The following MALSU1 variants were observed in gnomAD, a reference collection of about 807,000 sequenced individuals.
The protein encoded by MALSU1 is mitochondrial assembly of ribosomal large subunit 1.
In MALSU1, 22 loss-of-function variants were observed where a neutral mutation model predicts 22.1. The observed-to-expected ratio is 1.00, with a 90% CI of 0.71 to 1.42. The LOEUF is 1.42. Ranked by LOEUF, MALSU1 falls within the 40% of genes most tolerant of loss-of-function variation. The probability of loss-of-function intolerance (pLI) is 0.00; values close to 1 mark genes in which losing one functional copy is unlikely to be tolerated. For missense variants in MALSU1, 379 were observed against 308.3 expected (o/e 1.23, Z -1.72); for synonymous variants, 153 against 118.5 (o/e 1.29, Z -1.89).
intron 2 of MALSU1, among the ~76,000 whole-genome samples, chr7:23,301,735 C>G (rs1377245625): frequency 6.6e-6 from 1 of 152,118 alleles, no homozygotes; most frequent in Non-Finnish European, 1.5e-5. Flanking sequence ...CTTTGGAAGG[C>G]CAAGGTGGGT....
At chr7:23,301,819 A>G (rs929153605) in intron 2 of MALSU1, among the ~76,000 whole-genome samples, 14 of 152,064 alleles carry the variant, frequency 9.2e-5, no homozygotes, top group Admixed American at 9.2e-4. Flanking sequence ...AAATACAAAA[A>G]TTAGCTGGGC....
chr7:23,310,224 A>G lies in MALSU1; in HGVS notation c.*681A>G, dbSNP rs545023671. ...CACAACAAGCTGCACCTAAATGATG[A>G]AAAAATTTATTCTGCGTCAAGGTAT... On this transcript the variant is annotated 3_prime_UTR_variant, in exon 4 of 4. Coordinates refer to ENST00000466681, the MANE Select transcript of MALSU1 (RefSeq NM_138446.2). The G allele has an allele frequency of 6.6e-6, 1 of 152,358 alleles. No homozygotes were observed. Among genetic ancestry groups the G allele is most frequent in the South Asian group, 2.1e-4 (1 of 4,830 alleles). 9.4% of individuals were successfully genotyped at this position (152,358 alleles called of 1,614,324 possible). A position where few individuals can be genotyped will look rare whatever the true frequency, so the allele number is the denominator to read the frequency against.
Position 23,309,545 on chromosome 7 carries a change from A to ATATT in MALSU1, c.*4_*7dup. ...CCAGTGGAGTTAAAATGTGAATAAA[A>ATATT]TATTTTATGCACTGCGTTAGTCATT... On this transcript the variant is annotated 3_prime_UTR_variant, in exon 4 of 4. Coordinates refer to ENST00000466681, the MANE Select transcript of MALSU1 (RefSeq NM_138446.2). 6.3e-7 allele frequency: 1 copy of ATATT among 1,592,428 alleles called. No homozygotes were observed.
At chr7:23,305,549 G>A (rs1042616789) in intron 2 of MALSU1, among the ~76,000 whole-genome samples, 20 of 151,934 alleles carry the variant, frequency 1.3e-4, no homozygotes, top group Admixed American at 5.9e-4. Flanking sequence ...CTAATTTTTT[G>A]TATTTTTAGT....
chr7:23,306,330 CCTAA>C (rs1783722036), intron 2 of MALSU1, among the ~76,000 whole-genome samples: 1 of 151,910 alleles, frequency 6.6e-6, no homozygotes, highest in Non-Finnish European at 1.5e-5. Context: ...GTTTAGTAGC[CCTAA>C]CTGGGTTTTT....
At chr7:23,307,796 A>G in intron 2 of MALSU1, 72 bp from the exon 3 acceptor site, 2 of 950,912 alleles carry the variant, frequency 2.1e-6, no homozygotes, top group Non-Finnish European at 3.3e-6. Context: ...ACAAACAAAA[A>G]AAAAAGACCT....
intron 1 of MALSU1, among the ~76,000 whole-genome samples, chr7:23,299,902 C>G (rs1446948944): frequency 2.0e-5 from 3 of 152,098 alleles, no homozygotes; most frequent in African/African-American, 4.8e-5. Flanking sequence ...TTCCTAGGAT[C>G]CTGGGAAATG....
At position 23,307,906 on chromosome 7, in the gene MALSU1, G is replaced by A; in HGVS notation, c.474G>A (p.Lys158=). The A allele has an allele frequency of 6.2e-7, 1 of 1,614,024 alleles. No individual in the cohort carries two copies. Among genetic ancestry groups the A allele is most frequent in the South Asian group, 1.1e-5 (1 of 91,068 alleles). ...AATGTAAACGTGACCCTCATGTTAA[G>A]ATAGAAGGGAAGGACACTGATGACT... ...HLKCKRDPHV[K]IEGKDTDDWL... Residue 158 remains lysine, a synonymous_variant, in exon 3 of 4, where the codon AAG becomes AAA. Transcript: ENST00000466681.
At chr7:23,300,400 C>T (rs929257248) in intron 1 of MALSU1, among the ~76,000 whole-genome samples, 2 of 152,128 alleles carry the variant, frequency 1.3e-5, no homozygotes, top group Admixed American at 6.6e-5. Context: ...CCAGATACTG[C>T]CTAAGAGCCC....
rs2128489775 is a variant in MALSU1 at position 23,309,520 on chromosome 7, C to G, written c.682C>G (p.Pro228Ala). The change falls in exon 4 of 4, where the codon CCA (proline) becomes GCA (alanine). Residue 228 changes from proline to alanine, a missense_variant. Coordinates refer to ENST00000466681, the MANE Select transcript of MALSU1 (RefSeq NM_138446.2). ...AGAAGATGATACTTCATCTGTGACT[C>G]CAGTGGAGTTAAAATGTGAATAAAA... ...GIEDDTSSVT[P>A]VELKCE 2 of 1,602,620 alleles carry G rather than the reference C, an allele frequency of 1.2e-6. No individual in the cohort carries two copies. The highest frequency in any genetic ancestry group is 1.7e-6 in the Non-Finnish European group (2 of 1,176,894).
intron 2 of MALSU1, 83 bp from the exon 3 acceptor site, chr7:23,307,785 A>G: frequency 2.3e-6 from 2 of 858,904 alleles, no homozygotes; most frequent in Non-Finnish European, 3.8e-6. Flanking sequence ...AAAACAAACA[A>G]ACAAACAAAA....
intron 2 of MALSU1, among the ~76,000 whole-genome samples, chr7:23,303,330 GTTCATC>G (rs1783673300): frequency 6.6e-6 from 1 of 152,150 alleles, no homozygotes; most frequent in Non-Finnish European, 1.5e-5. Context: ...TGTCTTCAAG[GTTCATC>G]CATGTAGTAG....
intron 2 of MALSU1, 21 bp from the exon 3 acceptor site, chr7:23,307,847 A>G (rs1383719962): frequency 6.3e-7 from 1 of 1,587,870 alleles, no homozygotes; most frequent in Non-Finnish European, 8.6e-7. Flanking sequence ...TCCCTTTAAT[A>G]AACCACCTGG....
At chr7:23,302,573 A>G (rs1562656132) in intron 2 of MALSU1, among the ~76,000 whole-genome samples, 2 of 152,292 alleles carry the variant, frequency 1.3e-5, no homozygotes, top group South Asian at 2.1e-4. Context: ...CAGGGTCTCT[A>G]TCAGATGTAA....
chr7:23,310,372 TTAAG>T lies in MALSU1; in HGVS notation c.*833_*836del, dbSNP rs1298442133. On this transcript the variant is annotated 3_prime_UTR_variant, in exon 4 of 4. Coordinates refer to ENST00000466681, the MANE Select transcript of MALSU1 (RefSeq NM_138446.2). ...ACCAGATACTCCAAATTACAAATGC[TTAAG>T]TAAAAGTAAAATATGATTTGCCATA... 5.3e-5 allele frequency: 8 copies of T among 152,244 alleles called. No individual in the cohort carries two copies. The highest frequency in any genetic ancestry group is 1.7e-4 in the African/African-American group (7 of 41,550). 9.4% of individuals were successfully genotyped at this position (152,244 alleles called of 1,614,324 possible). A position where few individuals can be genotyped will look rare whatever the true frequency, so the allele number is the denominator to read the frequency against.
At chr7:23,300,593 A>G (rs1783628758) in intron 1 of MALSU1, among the ~76,000 whole-genome samples, 1 of 152,184 alleles carries the variant, frequency 6.6e-6, no homozygotes, top group Non-Finnish European at 1.5e-5. Context: ...TTCTACTTGC[A>G]TATGGTTAAT....
At position 23,309,977 on chromosome 7, in the gene MALSU1, C is replaced by T. The variant is rs1460561866; in HGVS notation, c.*434C>T. ...AGGTGATAATATTCTTCTAGGAGGACTTCTGTAACCCTTCCAGAATACTCC... is the reference window on the plus strand; with the variant it reads ...AGGTGATAATATTCTTCTAGGAGGATTTCTGTAACCCTTCCAGAATACTCC... On this transcript the variant is annotated 3_prime_UTR_variant, in exon 4 of 4. Transcript: ENST00000466681. 6.6e-6 allele frequency: 1 copy of T among 152,428 alleles called. No individual in the cohort carries two copies. The highest frequency in any genetic ancestry group is 1.5e-5 in the Non-Finnish European group (1 of 68,310). 9.4% of individuals were successfully genotyped at this position (152,428 alleles called of 1,614,324 possible). A position where few individuals can be genotyped will look rare whatever the true frequency, so the allele number is the denominator to read the frequency against.
chr7:23,300,830 GCATTTCAGAT>G lies in MALSU1; in HGVS notation c.257-5_261del. On this transcript the variant is annotated splice_acceptor_variant and splice_polypyrimidine_tract_variant and coding_sequence_variant and intron_variant, in exon 2 of 4. Coordinates refer to ENST00000466681, the MANE Select transcript of MALSU1 (RefSeq NM_138446.2). LOFTEE classifies it high-confidence loss of function. ...CATCCTGATACAAACAACTATTTGT[GCATTTCAGAT>G]CATACTGGTCCCAAGTTTGACATCG... 1 of 1,610,994 alleles carries G rather than the reference GCATTTCAGAT, an allele frequency of 6.2e-7. No homozygotes were observed. Among genetic ancestry groups the G allele is most frequent in the Non-Finnish European group, 8.5e-7 (1 of 1,178,250 alleles).
intron 1 of MALSU1, 128 bp from the exon 2 acceptor site, chr7:23,300,711 T>C: frequency 6.5e-6 from 5 of 766,318 alleles, no homozygotes; most frequent in Non-Finnish European, 6.5e-6. Flanking sequence ...GCCTTTACCC[T>C]GCTATCTGTA....
Sources: gnomAD v4.1 joint callset for allele counts (sites outside exome capture counted in the v4.1 genomes callset) on GRCh38, gnomAD v4.1.1 for gene constraint, MANE v1.5 for transcripts, NCBI Gene and HGNC (gene_info 2026-07-23, HGNC 2026-07-21) for gene names.